PTGR1: variants seen among roughly 807,000 people sequenced by gnomAD.
PTGR1 encodes the protein prostaglandin reductase 1.
PTGR1 carries 23 observed loss-of-function variants against 37.7 expected under a neutral mutation model. The ratio of observed to expected loss-of-function variants is 0.61; its 90% CI spans 0.44 to 0.86. The LOEUF is 0.86. Among genes scored for constraint, PTGR1 ranks in the 40% least tolerant of loss-of-function variants. The pLI, the probability that PTGR1 is intolerant of heterozygous loss-of-function variation, is 0.00. For synonymous variants in PTGR1, 134 were observed against 140.0 expected, an observed-to-expected ratio of 0.96 and a Z score of 0.30; for missense variants, 351 against 394.3, an observed-to-expected ratio of 0.89 and a Z score of 0.93.
intron 8 of PTGR1, among the ~76,000 whole-genome samples, chr9:111,571,127 T>C (rs922295728): frequency 6.8e-6 from 1 of 146,700 alleles, no homozygotes; most frequent in Non-Finnish European, 1.5e-5. Flanking sequence ...AGAATAAGTG[T>C]GTGGGGTCGG....
downstream of PTGR1, among the ~76,000 whole-genome samples, chr9:111,557,843 A>G (rs1026067675): frequency 6.6e-6 from 1 of 152,204 alleles, no homozygotes; most frequent in African/African-American, 2.4e-5. Flanking sequence ...TCTGTGGTGA[A>G]GTATGTTAAA....
chr9:111,564,275 CTTTTATTATTA>C (rs1317006247), intron 9 of PTGR1: 2 of 692,834 alleles, frequency 2.9e-6, no homozygotes, highest in Non-Finnish European at 3.7e-6. Context: ...GAAATTTAAA[CTTTTATTATTA>C]TTATTATTAT....
intron 9 of PTGR1, among the ~76,000 whole-genome samples, chr9:111,566,785 T>C (rs1168242748): frequency 2.0e-5 from 3 of 152,230 alleles, no homozygotes; most frequent in African/African-American, 7.2e-5. Flanking sequence ...TCATGGAGGT[T>C]ACATCCTCAA....
intron 4 of PTGR1, among the ~76,000 whole-genome samples, chr9:111,591,570 A>G (rs1327058146): frequency 1.3e-5 from 2 of 151,744 alleles, no homozygotes; most frequent in Non-Finnish European, 2.9e-5. Context: ...GGGTTTCACC[A>G]TGTTGGCCAG....
At chr9:111,551,265 T>C (rs1827934084) in intron 9 of PTGR1, among the ~76,000 whole-genome samples, 1 of 152,224 alleles carries the variant, frequency 6.6e-6, no homozygotes, top group African/African-American at 2.4e-5. Flanking sequence ...AATTTTCATT[T>C]GTAATACATA....
intron 5 of PTGR1, 151 bp downstream of exon 5, chr9:111,585,847 A>T (rs1017289183): frequency 1.3e-6 from 1 of 790,368 alleles, no homozygotes; most frequent in Non-Finnish European, 2.0e-6. Flanking sequence ...ACTTAGGTTG[A>T]TCTGCCATCT....
intron 9 of PTGR1, among the ~76,000 whole-genome samples, chr9:111,565,078 C>T (rs12002452): frequency 0.016 from 2,444 of 152,008 alleles, 54 homozygotes; most frequent in African/African-American, 0.053. Flanking sequence ...GAACGGAGAT[C>T]GCACCATTGC....
At chr9:111,596,590 A>C (rs1017740124) in intron 2 of PTGR1, among the ~76,000 whole-genome samples, 20 of 149,298 alleles carry the variant, frequency 1.3e-4, no homozygotes, top group Admixed American at 5.4e-4. Context: ...ATCTCTACTA[A>C]AAATACAAAA....
chr9:111,550,660 A>C (rs1223935688), intron 9 of PTGR1, among the ~76,000 whole-genome samples: 1 of 152,178 alleles, frequency 6.6e-6, no homozygotes, highest in Non-Finnish European at 1.5e-5. Flanking sequence ...GGGCCACTCT[A>C]TCCATGTCTT....
At chr9:111,599,427 G>C (rs41279069) in intron 1 of PTGR1, 176 bp downstream of exon 1, 22,762 of 152,336 alleles carry the variant, frequency 0.15, 1,757 homozygotes, top group East Asian at 0.24. Flanking sequence ...GGGAGGCGTC[G>C]GGACGTCGGC....
chr9:111,564,927 C>G (rs922611159), intron 9 of PTGR1, among the ~76,000 whole-genome samples: 1 of 151,916 alleles, frequency 6.6e-6, no homozygotes, highest in African/African-American at 2.4e-5. Context: ...AGTTCGAGAC[C>G]AGCCTGGCCA....
chr9:111,560,966 TATATATATAGAGAGAGAGAG>T (rs1370764195), downstream of PTGR1, among the ~76,000 whole-genome samples: 2 of 45,356 alleles, frequency 4.4e-5, no homozygotes, highest in Non-Finnish European at 4.0e-5. Flanking sequence ...TATATATATA[TATATATATAGAGAGAGAGAG>T]AGAGAGAGAG....
At chr9:111,565,412 A>G (rs1828513463) in intron 9 of PTGR1, among the ~76,000 whole-genome samples, 1 of 152,246 alleles carries the variant, frequency 6.6e-6, no homozygotes, top group African/African-American at 2.4e-5. Flanking sequence ...ACAAACTAAT[A>G]CAAATACTAA....
chr9:111,561,902 T>G (rs1354008606), downstream of PTGR1, among the ~76,000 whole-genome samples: 1 of 150,162 alleles, frequency 6.7e-6, no homozygotes. Context: ...TGTTTTTTTC[T>G]GAGATGGAGT....
At chr9:111,560,893 A>T (rs1316110954), downstream of PTGR1, among the ~76,000 whole-genome samples, 1 of 144,744 alleles carries the variant, frequency 6.9e-6, no homozygotes, top group African/African-American at 2.6e-5. Flanking sequence ...CAGTGAGTGG[A>T]GATCGCACCA....
intron 9 of PTGR1, among the ~76,000 whole-genome samples, chr9:111,552,653 G>A (rs948238948): frequency 7.9e-5 from 12 of 152,058 alleles, no homozygotes; most frequent in East Asian, 5.8e-4. Context: ...TACATGAATC[G>A]ACATTGTAAA....
chr9:111,569,975 G>A, intron 9 of PTGR1, 116 bp downstream of exon 9: 1 of 1,511,602 alleles, frequency 6.6e-7, no homozygotes, highest in Non-Finnish European at 9.0e-7. Context: ...TGACCCAATA[G>A]GGAAAAACTG....
At chr9:111,549,843 G>A in intron 9 of PTGR1, 3 of 1,269,730 alleles carry the variant, frequency 2.4e-6, no homozygotes, top group Non-Finnish European at 3.3e-6. Context: ...GCATCTTTAA[G>A]GCAGTTGCTT....
At chr9:111,557,619 C>T (rs1350024622), downstream of PTGR1, among the ~76,000 whole-genome samples, 2 of 151,722 alleles carry the variant, frequency 1.3e-5, no homozygotes, top group East Asian at 2.0e-4. Flanking sequence ...TTAGTAGAGA[C>T]GGGGTTTCAC....
Sources: gnomAD v4.1 joint callset for allele counts (sites outside exome capture counted in the v4.1 genomes callset) on GRCh38, gnomAD v4.1.1 for gene constraint, MANE v1.5 for transcripts, NCBI Gene and HGNC (gene_info 2026-07-23, HGNC 2026-07-21) for gene names.